Variants in MSRA observed in about 807,000 individuals in gnomAD.
MSRA encodes the protein mitochondrial peptide methionine sulfoxide reductase.
MSRA carries 54 observed loss-of-function variants against 31.3 expected under a neutral mutation model. The ratio of observed to expected loss-of-function variants is 1.73; its 90% CI spans 1.39 to 2.17. The LOEUF (loss-of-function observed/expected upper bound fraction) is 2.17, where lower values mean the gene tolerates loss of function less well. Ranked by LOEUF, MSRA falls within the 30% of genes most tolerant of loss-of-function variation. The probability of loss-of-function intolerance (pLI) is 0.00; values close to 1 mark genes in which losing one functional copy is unlikely to be tolerated. For missense variants in MSRA, 507 were observed against 300.9 expected (o/e 1.69, Z -5.07); for synonymous variants, 169 against 116.5 (o/e 1.45, Z -2.90).
intron 1 of MSRA, among the ~76,000 whole-genome samples, chr8:10,078,605 A>G (rs1253233388): frequency 1.3e-5 from 2 of 152,256 alleles, no homozygotes; most frequent in Non-Finnish European, 2.9e-5. Flanking sequence ...TAGGGCTGGC[A>G]GCTGCCACGG....
chr8:10,177,180 T>C (rs960035111), intron 1 of MSRA, among the ~76,000 whole-genome samples: 1 of 152,198 alleles, frequency 6.6e-6, no homozygotes, highest in Non-Finnish European at 1.5e-5. Flanking sequence ...ACTGGTGAAA[T>C]GTTCCAACCT....
At chr8:10,144,459 G>GT (rs771710454) in intron 1 of MSRA, among the ~76,000 whole-genome samples, 21 of 152,158 alleles carry the variant, frequency 1.4e-4, no homozygotes, top group Non-Finnish European at 2.4e-4. Flanking sequence ...GCTTAGACTG[G>GT]TGACTGGCAC....
At chr8:10,401,296 C>T (rs148209796) in intron 5 of MSRA, among the ~76,000 whole-genome samples, 123 of 152,248 alleles carry the variant, frequency 8.1e-4, no homozygotes, top group South Asian at 2.5e-3. Context: ...TTAATAAGCA[C>T]GTGAAAGGAT....
intron 3 of MSRA, among the ~76,000 whole-genome samples, chr8:10,289,652 A>C (rs757979442): frequency 6.6e-6 from 1 of 152,186 alleles, no homozygotes; most frequent in Non-Finnish European, 1.5e-5. Flanking sequence ...GTTTTTGAAG[A>C]ATATGAAAAC....
intron 1 of MSRA, among the ~76,000 whole-genome samples, chr8:10,196,627 G>A (rs1046418605): frequency 3.3e-5 from 5 of 152,046 alleles, no homozygotes; most frequent in Non-Finnish European, 5.9e-5. Context: ...TCGACTCATC[G>A]CAACCTCTGC....
At chr8:10,234,751 C>T (rs146835257) in intron 2 of MSRA, among the ~76,000 whole-genome samples, 5 of 151,830 alleles carry the variant, frequency 3.3e-5, no homozygotes, top group African/African-American at 4.8e-5. Flanking sequence ...GGAAAACATA[C>T]GCCTGGTAAA....
At chr8:10,179,063 A>G (rs746316590) in intron 1 of MSRA, among the ~76,000 whole-genome samples, 3 of 152,070 alleles carry the variant, frequency 2.0e-5, no homozygotes, top group East Asian at 1.9e-4. Context: ...ATTTCTCACA[A>G]TCTCCCCCTT....
At chr8:10,343,270 G>A (rs553757476) in intron 5 of MSRA, among the ~76,000 whole-genome samples, 1 of 152,268 alleles carries the variant, frequency 6.6e-6, no homozygotes, top group East Asian at 1.9e-4. Flanking sequence ...GTCTCTATCT[G>A]CCTTCACAAC....
intron 2 of MSRA, among the ~76,000 whole-genome samples, chr8:10,224,585 G>C (rs1335795756): frequency 6.6e-6 from 1 of 152,170 alleles, no homozygotes; most frequent in African/African-American, 2.4e-5. Flanking sequence ...ATGGGGGCTG[G>C]ACCAGGTGGT....
rs142530324 is a variant in MSRA, at chr8:10,133,729, G to A, written c.143-74104G>A. Among the ~76,000 whole-genome samples the A allele has an allele frequency of 6.9e-4, 105 of 152,346 alleles. 1 individual carries two copies. The East Asian group carries it at 0.019, about 28-fold the overall frequency. ...CAGGGGAAGTGCTCAGGAAATGGTAGTGACTGTTAAGACTGTGATACTTGG... is the reference window on the plus strand; with the variant it reads ...CAGGGGAAGTGCTCAGGAAATGGTAATGACTGTTAAGACTGTGATACTTGG... On this transcript the variant is annotated intron_variant, in intron 1 of 5. Transcript: ENST00000317173.
intron 1 of MSRA, among the ~76,000 whole-genome samples, chr8:10,076,314 G>C (rs931943777): frequency 6.6e-6 from 1 of 152,158 alleles, no homozygotes; most frequent in African/African-American, 2.4e-5. Flanking sequence ...AGTGACTGAT[G>C]GCTACGTGAC....
intron 3 of MSRA, among the ~76,000 whole-genome samples, chr8:10,272,680 A>T (rs1044389314): frequency 6.6e-6 from 1 of 152,224 alleles, no homozygotes; most frequent in African/African-American, 2.4e-5. Context: ...GCGCTTTAAG[A>T]CTACCCTCAA....
At chr8:10,141,666 A>C (rs550330883) in intron 1 of MSRA, among the ~76,000 whole-genome samples, 22 of 152,048 alleles carry the variant, frequency 1.4e-4, no homozygotes, top group Non-Finnish European at 2.6e-4. Flanking sequence ...TCTGAAAGAT[A>C]CACAGATAAA....
intron 2 of MSRA, among the ~76,000 whole-genome samples, chr8:10,211,133 C>T (rs1192444308): frequency 6.6e-6 from 1 of 152,004 alleles, no homozygotes; most frequent in South Asian, 2.1e-4. Context: ...CTACAGATGA[C>T]CATTGAACTT....
chr8:10,058,332 A>G (rs1330105749), intron 1 of MSRA, among the ~76,000 whole-genome samples: 1 of 152,234 alleles, frequency 6.6e-6, no homozygotes, highest in Non-Finnish European at 1.5e-5. Context: ...AATATACAAA[A>G]TAAGTCCTGA....
At chr8:10,247,743 A>G (rs1456623321) in intron 3 of MSRA, among the ~76,000 whole-genome samples, 1 of 152,176 alleles carries the variant, frequency 6.6e-6, no homozygotes, top group Non-Finnish European at 1.5e-5. Flanking sequence ...TTACCCATAC[A>G]CAGAAGGAGA....
At chr8:10,082,481 C>A (rs937332242) in intron 1 of MSRA, among the ~76,000 whole-genome samples, 20 of 152,186 alleles carry the variant, frequency 1.3e-4, no homozygotes, top group Admixed American at 6.5e-5. Context: ...CATACGTCAT[C>A]TTTTCTCCCA....
rs556562047 is a variant in MSRA, at chr8:10,312,343, G to A, written c.437-7540G>A. ...AAAAGTGGGATATCACTACAGATGT[G>A]GGAGATTTTACAGAAACCAGGAAGA... On this transcript the variant is annotated intron_variant, in intron 4 of 5. Transcript: ENST00000317173. Among the ~76,000 whole-genome samples, 4 of 152,240 alleles carry A rather than the reference G, an allele frequency of 2.6e-5. No homozygotes were observed. The East Asian group carries it at 7.7e-4, about 29-fold the overall frequency.
intron 4 of MSRA, among the ~76,000 whole-genome samples, chr8:10,316,544 C>G (rs923895443): frequency 9.4e-6 from 1 of 106,892 alleles, no homozygotes; most frequent in Non-Finnish European, 2.0e-5. Context: ...CTCTCTCTCT[C>G]TCTCTCTCTC....
Sources: gnomAD v4.1 joint callset for allele counts (sites outside exome capture counted in the v4.1 genomes callset) on GRCh38, gnomAD v4.1.1 for gene constraint, MANE v1.5 for transcripts, NCBI Gene and HGNC (gene_info 2026-07-23, HGNC 2026-07-21) for gene names.